Variants in CLEC16A observed in about 807,000 individuals in gnomAD.
CLEC16A encodes the protein C-type lectin domain containing 16A, also known as protein CLEC16A.
A neutral mutation model predicts 109.5 loss-of-function variants in CLEC16A; 51 were observed. The ratio of observed to expected loss-of-function variants is 0.47; its 90% CI spans 0.37 to 0.59. CLEC16A has a LOEUF of 0.59. Among genes scored for constraint, CLEC16A ranks in the 20% least tolerant of loss-of-function variants. CLEC16A has a pLI of 0.00. For missense variants in CLEC16A, 1,339 were observed against 1,394.0 expected (o/e 0.96, Z 0.63); for synonymous variants, 673 against 564.2 (o/e 1.19, Z -2.73).
intron 22 of CLEC16A, among the ~76,000 whole-genome samples, chr16:11,163,096 A>G (rs1426438507): frequency 6.6e-6 from 1 of 152,158 alleles, no homozygotes; most frequent in Non-Finnish European, 1.5e-5. Context: ...TGATTCATAC[A>G]CCAAAAGCCT....
intron 10 of CLEC16A, among the ~76,000 whole-genome samples, chr16:10,986,151 C>T (rs1419219987): frequency 2.7e-5 from 4 of 150,222 alleles, no homozygotes; most frequent in African/African-American, 9.8e-5. Flanking sequence ...CTGCCTCAGC[C>T]TCCCAAGTAG....
intron 22 of CLEC16A, among the ~76,000 whole-genome samples, chr16:11,134,407 C>G (rs1021588092): frequency 1.3e-5 from 2 of 152,148 alleles, no homozygotes; most frequent in Non-Finnish European, 2.9e-5. Context: ...AAGCTGGTAT[C>G]ACTTGCTCTG....
chr16:11,103,110 T>G (rs1453186743), intron 19 of CLEC16A, among the ~76,000 whole-genome samples: 2 of 151,946 alleles, frequency 1.3e-5, no homozygotes, highest in African/African-American at 4.8e-5. Context: ...GGAAATGAGG[T>G]GAAGAGCCTC....
At chr16:11,006,508 G>A (rs767615175) in intron 11 of CLEC16A, among the ~76,000 whole-genome samples, 13 of 152,040 alleles carry the variant, frequency 8.6e-5, no homozygotes, top group African/African-American at 1.7e-4. Flanking sequence ...CTAGATCCAC[G>A]GACTTATCGA....
intron 19 of CLEC16A, among the ~76,000 whole-genome samples, chr16:11,072,920 A>G (rs2049150816): frequency 6.6e-6 from 1 of 152,194 alleles, no homozygotes. Context: ...TGTTAACTAG[A>G]TAATAAGGTT....
chr16:11,160,077 C>A (rs1233999601), intron 22 of CLEC16A, among the ~76,000 whole-genome samples: 2 of 152,068 alleles, frequency 1.3e-5, no homozygotes, highest in Non-Finnish European at 2.9e-5. Context: ...CTGTGGAATC[C>A]CCTATAATCT....
chr16:11,104,397 G>T (rs1476959125), intron 19 of CLEC16A, among the ~76,000 whole-genome samples: 2 of 152,080 alleles, frequency 1.3e-5, no homozygotes, highest in African/African-American at 2.4e-5. Context: ...CAAAGGATGG[G>T]ATTACAGGTA....
intron 19 of CLEC16A, among the ~76,000 whole-genome samples, chr16:11,111,104 G>A (rs2051555827): frequency 6.6e-6 from 1 of 152,076 alleles, no homozygotes; most frequent in South Asian, 2.1e-4. Flanking sequence ...TAGCTTCTTG[G>A]TGGTACTGAA....
At chr16:10,963,958 A>G (rs2042377890) in intron 3 of CLEC16A, among the ~76,000 whole-genome samples, 1 of 152,204 alleles carries the variant, frequency 6.6e-6, no homozygotes, top group Non-Finnish European at 1.5e-5. Flanking sequence ...TTTGGTTCCT[A>G]ATCCTCCACG....
At chr16:10,993,672 A>G (rs2044164646) in intron 10 of CLEC16A, among the ~76,000 whole-genome samples, 1 of 152,224 alleles carries the variant, frequency 6.6e-6, no homozygotes, top group African/African-American at 2.4e-5. Context: ...TTCACAGTTC[A>G]TCTTTTTCAA....
At chr16:11,122,150 C>A (rs748780653) in intron 20 of CLEC16A, among the ~76,000 whole-genome samples, 3 of 152,198 alleles carry the variant, frequency 2.0e-5, no homozygotes, top group Non-Finnish European at 2.9e-5. Context: ...CGCAGCCTGA[C>A]CTGCTGTCTG....
chr16:11,139,333 ACTT>A (rs2053715393), intron 22 of CLEC16A, among the ~76,000 whole-genome samples: 3 of 152,196 alleles, frequency 2.0e-5, no homozygotes, highest in East Asian at 1.9e-4. Flanking sequence ...AGCTTTCTAC[ACTT>A]CTTTTCTCTC....
At chr16:11,046,950 C>T (rs1377853743) in intron 16 of CLEC16A, among the ~76,000 whole-genome samples, 1 of 152,024 alleles carries the variant, frequency 6.6e-6, no homozygotes, top group Non-Finnish European at 1.5e-5. Flanking sequence ...CAGCCGTTCT[C>T]GACAAAATAG....
At chr16:10,992,950 T>C (rs1596941361) in intron 10 of CLEC16A, among the ~76,000 whole-genome samples, 1 of 151,538 alleles carries the variant, frequency 6.6e-6, no homozygotes, top group East Asian at 1.9e-4. Context: ...AGTTGAGGGG[T>C]TGGGTCGGGG....
intron 22 of CLEC16A, among the ~76,000 whole-genome samples, chr16:11,146,859 G>T (rs1370803318): frequency 6.6e-6 from 1 of 152,088 alleles, no homozygotes; most frequent in Admixed American, 6.5e-5. Flanking sequence ...GGACTCAGGG[G>T]TTAGTCAAAC....
intron 12 of CLEC16A, chr16:11,024,098 G>C (rs1441091746): frequency 2.0e-5 from 3 of 152,210 alleles, no homozygotes; most frequent in Non-Finnish European, 4.4e-5. Context: ...AAATTGCTGG[G>C]TCAGGACCCT....
intron 15 of CLEC16A, 112 bp from the exon 16 acceptor site, chr16:11,043,916 A>C: frequency 3.0e-6 from 2 of 672,186 alleles, no homozygotes; most frequent in South Asian, 2.7e-5. Flanking sequence ...TACATTAAGG[A>C]TATTAGTCCA....
In CLEC16A at chr16:11,178,561, C is replaced by T. The variant is rs201642352; in HGVS notation, c.3033C>T (p.Pro1011=). The part of the protein sequence containing the change: ...TLSVESLTLV[P]PVDPHSLRSL... ...GCGTCGAATCGCTGACCCTTGTCCCCCCAGTTGACCCCCACAGCCTCCGCA... is the reference window on the plus strand; with the variant it reads ...GCGTCGAATCGCTGACCCTTGTCCCTCCAGTTGACCCCCACAGCCTCCGCA... Residue 1011 remains proline, a synonymous_variant, in exon 24 of 24, where the codon CCC becomes CCT. Coordinates refer to ENST00000409790, the MANE Select transcript of CLEC16A (RefSeq NM_015226.3). This position sits in a 1 kb window ranked among gnomAD's most constrained non-coding sequence, Gnocchi z 6.5. 47 of 1,612,202 alleles carry T rather than the reference C, an allele frequency of 2.9e-5. No individual in the cohort carries two copies. The South Asian group carries it at 4.3e-4, about 15-fold the overall frequency.
intron 22 of CLEC16A, among the ~76,000 whole-genome samples, chr16:11,152,646 C>T (rs2054337657): frequency 6.6e-6 from 1 of 152,146 alleles, no homozygotes; most frequent in South Asian, 2.1e-4. Context: ...TTAACCAGGT[C>T]CCCTGTAGCA....
Sources: allele counts gnomAD v4.1 joint callset (sites outside exome capture counted in the v4.1 genomes callset), GRCh38; gene constraint gnomAD v4.1.1; non-coding constraint Gnocchi (gnomAD v3.1); transcripts MANE v1.5; gene names NCBI Gene and HGNC (gene_info 2026-07-23, HGNC 2026-07-21).